PDE3A: variants seen among roughly 807,000 people sequenced by gnomAD.
PDE3A encodes cGMP-inhibited 3',5'-cyclic phosphodiesterase 3A.
In PDE3A, 43 loss-of-function variants were observed where a neutral mutation model predicts 98.3. That is an observed-to-expected ratio of 0.44 (90% CI 0.34 to 0.56). PDE3A has a LOEUF of 0.56. Ranked by LOEUF, PDE3A falls within the 20% of genes least tolerant of loss-of-function variation. The probability of loss-of-function intolerance (pLI) is 0.01; values close to 1 mark genes in which losing one functional copy is unlikely to be tolerated. For missense variants in PDE3A, 1,427 were observed against 1,440.7 expected (o/e 0.99, Z 0.15); for synonymous variants, 663 against 567.9 (o/e 1.17, Z -2.38).
At chr12:20,583,508 A>G (rs935197563) in intron 2 of PDE3A, among the ~76,000 whole-genome samples, 1 of 152,150 alleles carries the variant, frequency 6.6e-6, no homozygotes, top group Non-Finnish European at 1.5e-5. Flanking sequence ...TACTTTGTAG[A>G]AGCTAATGGT....
chr12:20,571,418 C>A (rs7300210), intron 2 of PDE3A, among the ~76,000 whole-genome samples: 64,148 of 151,906 alleles, frequency 0.42, 13,700 homozygotes, highest in East Asian at 0.5. Flanking sequence ...TACATGAATG[C>A]TGACCCCCCT....
At chr12:20,514,356 T>G (rs971430312) in intron 1 of PDE3A, among the ~76,000 whole-genome samples, 1 of 152,228 alleles carries the variant, frequency 6.6e-6, no homozygotes, top group African/African-American at 2.4e-5. Flanking sequence ...TACAGGAACC[T>G]TCTATTAAAT....
At chr12:20,477,017 A>G (rs1255616596) in intron 1 of PDE3A, among the ~76,000 whole-genome samples, 1 of 152,178 alleles carries the variant, frequency 6.6e-6, no homozygotes, top group Non-Finnish European at 1.5e-5. Context: ...CTTGTTAACT[A>G]CTAATACTAT....
In PDE3A at chr12:20,687,180, A is replaced by G. The variant is rs556789115; in HGVS notation, c.*6909A>G. On this transcript the variant is annotated 3_prime_UTR_variant, in exon 16 of 16. Coordinates refer to ENST00000359062, the MANE Select transcript of PDE3A (RefSeq NM_000921.5). ...AGTTGTTTGAAGTATATATACTTCA[A>G]TAAATAGTTCTTTGTGTATATAAAG... 2.6e-5 allele frequency among the ~76,000 whole-genome samples: 4 copies of G among 152,256 alleles called. No individual in the cohort carries two copies. The highest frequency in any genetic ancestry group is 7.2e-5 in the African/African-American group (3 of 41,586).
chr12:20,558,028 C>G (rs920747862), intron 2 of PDE3A, among the ~76,000 whole-genome samples: 1 of 152,034 alleles, frequency 6.6e-6, no homozygotes, highest in African/African-American at 2.4e-5. Context: ...GCCACCAAAA[C>G]ATTTTGATAT....
intron 2 of PDE3A, among the ~76,000 whole-genome samples, chr12:20,600,913 G>A (rs1052609274): frequency 2.0e-5 from 3 of 152,106 alleles, no homozygotes; most frequent in Non-Finnish European, 4.4e-5. Context: ...TAATTTACTT[G>A]TCTTTTAAGG....
intron 15 of PDE3A, among the ~76,000 whole-genome samples, chr12:20,669,225 G>A (rs1482462774): frequency 6.6e-6 from 1 of 151,842 alleles, no homozygotes; most frequent in Non-Finnish European, 1.5e-5. Context: ...ACGTCTGATT[G>A]GTGTACCTGA....
At position 20,613,582 on chromosome 12, in the gene PDE3A, A is replaced by G; in HGVS notation, c.1151A>G (p.Gln384Arg). The G allele has an allele frequency of 6.2e-7, 1 of 1,614,168 alleles. No homozygotes were observed. The highest frequency in any genetic ancestry group is 8.5e-7 in the Non-Finnish European group (1 of 1,179,990). Residue 384 changes from glutamine to arginine, a missense_variant, in exon 3 of 16, where the codon CAG becomes CGG. Gln to Arg is a conservative substitution (Grantham distance 43). Transcript: ENST00000359062. ...LRAVSNLLST[Q>R]LTFQAIHKPR... ...GCCGTGAGCAACTTGCTCAGCACACAGCTCACCTTCCAGGCCATTCACAAG... is the reference window on the plus strand; with the variant it reads ...GCCGTGAGCAACTTGCTCAGCACACGGCTCACCTTCCAGGCCATTCACAAG...
chr12:20,492,667 C>T (rs1159985389), intron 1 of PDE3A, among the ~76,000 whole-genome samples: 1 of 152,116 alleles, frequency 6.6e-6, no homozygotes, highest in African/African-American at 2.4e-5. Context: ...TAGAGAAATG[C>T]AGCCACTATT....
At chr12:20,651,079 A>G (rs1341211326) in intron 14 of PDE3A, among the ~76,000 whole-genome samples, 1 of 152,192 alleles carries the variant, frequency 6.6e-6, no homozygotes, top group Non-Finnish European at 1.5e-5. Context: ...GGTAGTTCGA[A>G]TGTATCTGTA....
chr12:20,599,603 T>A (rs544016905), intron 2 of PDE3A, among the ~76,000 whole-genome samples: 54 of 152,314 alleles, frequency 3.5e-4, no homozygotes, highest in Admixed American at 2.7e-3. Flanking sequence ...ACTGTTATCA[T>A]GGAAAAGGTA....
intron 2 of PDE3A, among the ~76,000 whole-genome samples, chr12:20,579,087 T>C (rs1370558970): frequency 6.6e-6 from 1 of 152,176 alleles, no homozygotes; most frequent in Non-Finnish European, 1.5e-5. Context: ...TGATGATAAT[T>C]TCAGACTGTC....
chr12:20,642,050 CTTGTT>C (rs1944657960), intron 10 of PDE3A, among the ~76,000 whole-genome samples: 1 of 151,960 alleles, frequency 6.6e-6, no homozygotes, highest in Non-Finnish European at 1.5e-5. Flanking sequence ...TGTATACCTA[CTTGTT>C]TTAATATTTA....
chr12:20,422,218 C>T (rs773816212), intron 1 of PDE3A, among the ~76,000 whole-genome samples: 93 of 152,036 alleles, frequency 6.1e-4, no homozygotes, highest in African/African-American at 1.7e-3. Flanking sequence ...TGGTGGCGGG[C>T]ACCTGTAGTC....
Position 20,370,095 on chromosome 12 carries a change from T to C in PDE3A, c.811T>C (p.Leu271=), listed in dbSNP as rs991610519. Residue 271 remains leucine, a synonymous_variant, in exon 1 of 16, where the codon TTG becomes CTG. Transcript: ENST00000359062. ...CGCGGAGGCGGCTCCAAGGGAGCATTTGGGGTCCCAGCTGATTGCTGGGAC... is the reference window on the plus strand; with the variant it reads ...CGCGGAGGCGGCTCCAAGGGAGCATCTGGGGTCCCAGCTGATTGCTGGGAC... ...QSAEAAPREH[L]GSQLIAGTKE... is the part of the protein sequence containing the mutation. 1 of 1,613,112 alleles carries C rather than the reference T, an allele frequency of 6.2e-7. No individual in the cohort carries two copies. The highest frequency in any genetic ancestry group is 2.2e-5 in the East Asian group (1 of 44,806).
At chr12:20,451,541 A>C (rs914686688) in intron 1 of PDE3A, among the ~76,000 whole-genome samples, 2 of 152,096 alleles carry the variant, frequency 1.3e-5, no homozygotes, top group African/African-American at 4.8e-5. Flanking sequence ...TCCAGGTCTC[A>C]AGTGATCTGC....
rs188746376 is a variant in PDE3A at position 20,626,202 on chromosome 12, A to T, written c.1541-3706A>T. ...ACTGTCCTCTTTCTGTATCTGAAAT[A>T]ATTTATTTATAGTTTATCCTTTCTA... On this transcript the variant is annotated intron_variant, in intron 5 of 15. Transcript: ENST00000359062. Among the ~76,000 whole-genome samples the T allele has an allele frequency of 6.8e-5, 10 of 147,782 alleles. 1 individual carries two copies. The highest frequency in any genetic ancestry group is 1.2e-4 in the Non-Finnish European group (8 of 67,984).
At chr12:20,427,021 T>C (rs1565545560) in intron 1 of PDE3A, among the ~76,000 whole-genome samples, 1 of 152,228 alleles carries the variant, frequency 6.6e-6, no homozygotes, top group Non-Finnish European at 1.5e-5. Flanking sequence ...TTACTTTTTA[T>C]TCAGTCTAGT....
Position 20,613,343 on chromosome 12 carries a change from T to G in PDE3A, c.1012-100T>G, listed in dbSNP as rs1317002841. Reference sequence around the variant, plus strand: ...TTTACTGTACTGAAATCCTAAAGAATCAGCCCAATTCATTTCTTAGTGAAA... The same window carrying G: ...TTTACTGTACTGAAATCCTAAAGAAGCAGCCCAATTCATTTCTTAGTGAAA... On this transcript the variant is annotated intron_variant, in intron 2 of 15. Coordinates refer to ENST00000359062, the MANE Select transcript of PDE3A (RefSeq NM_000921.5). 6.5e-6 allele frequency: 7 copies of G among 1,069,040 alleles called. No individual in the cohort carries two copies. The East Asian group carries it at 1.7e-4, about 25-fold the overall frequency. The allele number at this position is 1,069,040 out of a possible 1,614,324, so 66.2% of individuals were successfully genotyped here. A position where few individuals can be genotyped will look rare whatever the true frequency, so the allele number is the denominator to read the frequency against.
Sources: allele counts gnomAD v4.1 joint callset (sites outside exome capture counted in the v4.1 genomes callset), GRCh38; gene constraint gnomAD v4.1.1; transcripts MANE v1.5; gene names NCBI Gene and HGNC (gene_info 2026-07-23, HGNC 2026-07-21).